TICRR: variants seen among roughly 807,000 people sequenced by gnomAD.
The protein encoded by TICRR is treslin.
In TICRR, 132 loss-of-function variants were observed where a neutral mutation model predicts 178.1. That is an observed-to-expected ratio of 0.74 (90% CI 0.64 to 0.86). The LOEUF (loss-of-function observed/expected upper bound fraction) is 0.86. TICRR is among the 40% of genes least tolerant of loss of function. The pLI, the probability that TICRR is intolerant of heterozygous loss-of-function variation, is 0.00. For synonymous variants in TICRR, 991 were observed against 900.7 expected, an observed-to-expected ratio of 1.10 and a Z score of -1.79; for missense variants, 2,587 against 2,334.3, an observed-to-expected ratio of 1.11 and a Z score of -2.23.
At chr15:89,593,759 A>G (rs1044175944) in intron 5 of TICRR, among the ~76,000 whole-genome samples, 1 of 152,224 alleles carries the variant, frequency 6.6e-6, no homozygotes, top group Non-Finnish European at 1.5e-5. Context: ...TAGACCCAAC[A>G]CATATTCCAC....
At chr15:89,586,254 C>G (rs1274129938) in intron 4 of TICRR, among the ~76,000 whole-genome samples, 1 of 152,082 alleles carries the variant, frequency 6.6e-6, no homozygotes, top group Non-Finnish European at 1.5e-5. Flanking sequence ...AGCATTGCAA[C>G]TAAATGCATT....
Position 89,582,834 on chromosome 15 carries a change from G to A in TICRR, c.803G>A (p.Ser268Asn). 3 of 1,614,186 alleles carry A rather than the reference G, an allele frequency of 1.9e-6. No individual in the cohort carries two copies. The highest frequency in any genetic ancestry group is 2.5e-6 in the Non-Finnish European group (3 of 1,180,038). ...CTCAGGAGTGGAATAAAGCTGTCAA[G>A]TGAACCTCATCTTTCTCCGTGGATT... ...MLLRSGIKLS[S>N]EPHLSPWISM... is the part of the protein sequence containing the mutation. The change falls in exon 2 of 22, where the codon AGT becomes AAT. Residue 268 changes from serine to asparagine, a missense_variant. Ser to Asn is a conservative substitution (Grantham distance 46). Coordinates refer to ENST00000268138, the MANE Select transcript of TICRR (RefSeq NM_152259.4).
At chr15:89,594,349 T>G in intron 5 of TICRR, 66 bp from the exon 6 acceptor site, 1 of 1,399,436 alleles carries the variant, frequency 7.1e-7, no homozygotes, top group South Asian at 1.5e-5. Context: ...GGTATTTTGG[T>G]GTTATTTCTA....
At position 89,594,534 on chromosome 15, in the gene TICRR, A is replaced by T. The variant is rs1962964914; in HGVS notation, c.1661A>T (p.Gln554Leu). The T allele has an allele frequency of 6.2e-7, 1 of 1,601,430 alleles. No homozygotes were observed. The highest frequency in any genetic ancestry group is 1.3e-5 in the African/African-American group (1 of 74,706). The change falls in exon 6 of 22, where the codon CAA (glutamine) becomes CTA (leucine). Residue 554 changes from glutamine to leucine, a missense_variant. Physicochemically the swap from Gln to Leu is moderately radical, Grantham distance 113. Coordinates refer to ENST00000268138, the MANE Select transcript of TICRR (RefSeq NM_152259.4). ...CGTGAAGAATCCACTATAGCTCATC[A>T]AGAAGACAGCAAAAAGAAACGTATG... is the stretch of plus-strand genomic sequence containing the variant. ...KSREESTIAHQEDSKKKRGVP... is the reference protein window; with the variant it reads ...KSREESTIAHLEDSKKKRGVP...
intron 1 of TICRR, among the ~76,000 whole-genome samples, chr15:89,581,450 A>G (rs188244203): frequency 3.6e-4 from 55 of 152,330 alleles, no homozygotes; most frequent in African/African-American, 1.2e-3. Flanking sequence ...CTGAAGAGTC[A>G]GCTGTGTGTG....
chr15:89,614,713 T>C (rs777839627), intron 15 of TICRR, among the ~76,000 whole-genome samples: 10 of 152,242 alleles, frequency 6.6e-5, no homozygotes, highest in African/African-American at 2.4e-4. Context: ...TGTTTTTGTT[T>C]AGTCACTTTT....
intron 4 of TICRR, among the ~76,000 whole-genome samples, chr15:89,588,934 G>C (rs931136207): frequency 6.6e-6 from 1 of 152,128 alleles, no homozygotes; most frequent in Non-Finnish European, 1.5e-5. Flanking sequence ...AAATGATCTG[G>C]AAGAGGCAAG....
intron 8 of TICRR, among the ~76,000 whole-genome samples, chr15:89,600,204 TG>T (rs1253851263): frequency 3.9e-5 from 6 of 152,280 alleles, no homozygotes; most frequent in Admixed American, 2.0e-4. Context: ...CCTTTTGCAC[TG>T]GGAGTGTTGC....
At chr15:89,609,477 T>C (rs1223428564) in intron 15 of TICRR, among the ~76,000 whole-genome samples, 1 of 152,018 alleles carries the variant, frequency 6.6e-6, no homozygotes, top group African/African-American at 2.4e-5. Context: ...TGGTTTTCTT[T>C]GTCTTTTTTT....
intron 9 of TICRR, among the ~76,000 whole-genome samples, chr15:89,601,048 G>A (rs372875273): frequency 1.3e-3 from 99 of 74,738 alleles, no homozygotes; most frequent in Middle Eastern, 8.3e-3. Flanking sequence ...CCTGTCTCAG[G>A]AAAAAAAAAA....
Position 89,626,998 on chromosome 15 carries a change from C to T in TICRR, c.5645C>T (p.Pro1882Leu), listed in dbSNP as rs760951358. 6.2e-7 allele frequency: 1 copy of T among 1,614,144 alleles called. No homozygotes were observed. Among genetic ancestry groups the T allele is most frequent in the Non-Finnish European group, 8.5e-7 (1 of 1,180,010 alleles). Reference protein sequence around the residue: ...DVLPSTVEDSPFSRAFSRRRP... With the variant: ...DVLPSTVEDSLFSRAFSRRRP... ...CTTCCCTCCACTGTAGAAGACTCTC[C>T]TTTCAGTCGCGCTTTCTCCAGGAGG... Residue 1882 changes from proline to leucine, a missense_variant, in exon 22 of 22, where the codon CCT (proline) becomes CTT (leucine). Transcript: ENST00000268138.
Position 89,626,033 on chromosome 15 carries a change from A to C in TICRR, c.5574A>C (p.Thr1858=). ...TQSPLLFQGK[T]PSSQSKDPRD... is the part of the protein sequence containing the mutation. ...CTCCGCTGCTGTTCCAGGGGAAAAC[A>C]CCTTCCTCTCAGAGCAAAGACCCCA... is the stretch of plus-strand genomic sequence containing the variant. Residue 1858 remains threonine, a synonymous_variant, in exon 21 of 22, where the codon ACA becomes ACC. Coordinates refer to ENST00000268138, the MANE Select transcript of TICRR (RefSeq NM_152259.4). 1 of 1,613,812 alleles carries C rather than the reference A, an allele frequency of 6.2e-7. No homozygotes were observed. The highest frequency in any genetic ancestry group is 8.5e-7 in the Non-Finnish European group (1 of 1,179,886).
At chr15:89,602,013 G>A (rs753760825) in intron 12 of TICRR, 37 bp downstream of exon 12, 1 of 1,606,428 alleles carries the variant, frequency 6.2e-7, no homozygotes. Context: ...TATTTGCACT[G>A]TTATAGTTCT....
At chr15:89,625,849 A>G in intron 20 of TICRR, 63 bp downstream of exon 20, 1 of 1,550,458 alleles carries the variant, frequency 6.4e-7, no homozygotes, top group Non-Finnish European at 8.7e-7. Context: ...CTTGACAAGG[A>G]GGCACTTGGG....
Position 89,595,674 on chromosome 15 carries a change from C to T in TICRR, c.1900+63C>T, listed in dbSNP as rs72750739. On this transcript the variant is annotated intron_variant, in intron 7 of 21. Coordinates refer to ENST00000268138, the MANE Select transcript of TICRR (RefSeq NM_152259.4). Reference sequence around the variant, plus strand: ...CGCTTTTTTAAAAATAAAATTTAATCGTACCCTTAGTTTATTGACTATCTG... The same window carrying T: ...CGCTTTTTTAAAAATAAAATTTAATTGTACCCTTAGTTTATTGACTATCTG... 165 of 1,251,314 alleles carry T rather than the reference C, an allele frequency of 1.3e-4. 1 individual carries two copies. The South Asian group carries it at 2.1e-3, about 16-fold the overall frequency. The allele number at this position is 1,251,314 out of a possible 1,614,324, so 77.5% of individuals were successfully genotyped here.
At chr15:89,612,904 A>C (rs1963275880) in intron 15 of TICRR, among the ~76,000 whole-genome samples, 1 of 152,240 alleles carries the variant, frequency 6.6e-6, no homozygotes. Context: ...TTACATCTAT[A>C]CATTGTATGC....
rs758470685 is a variant in TICRR, at chr15:89,619,722, C to T, written c.3034C>T (p.Arg1012Ter). ...TGATTTTACAGAAATAAGTCTGAGA[C>T]GAAGTCCTCGAATCAAGCAGTTGTC... ...PEKGDEISLR[R>*]SPRIKQLSFS... Residue 1012 changes from arginine (R) to a stop codon, truncating the protein, a stop_gained, in exon 18 of 22, where the codon CGA becomes TGA. Transcript: ENST00000268138. LOFTEE classifies it high-confidence loss of function. 3.1e-6 allele frequency: 5 copies of T among 1,610,616 alleles called. No homozygotes were observed. Among genetic ancestry groups the T allele is most frequent in the Admixed American group, 3.4e-5 (2 of 59,102 alleles).
At chr15:89,600,722 A>C (rs762195303) in intron 9 of TICRR, 37 bp downstream of exon 9, 39 of 1,026,238 alleles carry the variant, frequency 3.8e-5, no homozygotes, top group Non-Finnish European at 5.8e-5. Context: ...TCATCACTCT[A>C]AAAGCTGTGA....
chr15:89,621,294 T>C, intron 18 of TICRR, 99 bp from the exon 19 acceptor site: 1 of 1,272,756 alleles, frequency 7.9e-7, no homozygotes, highest in South Asian at 1.5e-5. Flanking sequence ...GTGCTGGGAT[T>C]ACAGGCGTGA....
Sources: gnomAD v4.1 joint callset for allele counts (sites outside exome capture counted in the v4.1 genomes callset) on GRCh38, gnomAD v4.1.1 for gene constraint, MANE v1.5 for transcripts, NCBI Gene and HGNC (gene_info 2026-07-23, HGNC 2026-07-21) for gene names.